The following PTPRB variants were observed in gnomAD, a reference collection of about 807,000 sequenced individuals.
The protein encoded by PTPRB is protein tyrosine phosphatase receptor type B, also known as receptor-type tyrosine-protein phosphatase beta.
Under a neutral mutation model 238.1 loss-of-function variants are expected in PTPRB, and 97 were observed. That is an observed-to-expected ratio of 0.41 (90% CI 0.35 to 0.48). The LOEUF (loss-of-function observed/expected upper bound fraction) is 0.48, where lower values mean the gene tolerates loss of function less well. PTPRB is among the 20% of genes least tolerant of loss of function. The probability of loss-of-function intolerance (pLI) is 0.30; values close to 1 mark genes in which losing one functional copy is unlikely to be tolerated. For missense variants in PTPRB, 2,292 were observed against 2,681.9 expected (o/e 0.85, Z 3.21); for synonymous variants, 970 against 995.4 (o/e 0.97, Z 0.48).
At chr12:70,596,983 T>A (rs1425697489) in intron 4 of PTPRB, among the ~76,000 whole-genome samples, 1 of 151,936 alleles carries the variant, frequency 6.6e-6, no homozygotes, top group South Asian at 2.1e-4. Flanking sequence ...AGTGGCGTGA[T>A]CTCGGCTCAC....
At chr12:70,629,197 C>T (rs1885334113) in intron 2 of PTPRB, among the ~76,000 whole-genome samples, 1 of 151,850 alleles carries the variant, frequency 6.6e-6, no homozygotes, top group Non-Finnish European at 1.5e-5. Context: ...TAAAGAATGA[C>T]TGCGTACTCC....
Position 70,584,114 on chromosome 12 carries a change from A to G in PTPRB, c.2312-2812T>C, listed in dbSNP as rs1288767130. Among the ~76,000 whole-genome samples, 4 of 152,296 alleles carry G rather than the reference A, an allele frequency of 2.6e-5. No homozygotes were observed. In the East Asian group the frequency reaches 7.7e-4, roughly 29 times the overall value. On this transcript the variant is annotated intron_variant, in intron 9 of 33. Transcript: ENST00000334414. The stretch of plus-strand genomic sequence containing the variant: ...AAAGAGAGCCAAAGAGAATGCTTAA[A>G]AGTGAACATAACAATTAAAATTTAA...
chr12:70,563,897 G>T (rs1342340601), intron 15 of PTPRB, among the ~76,000 whole-genome samples: 1 of 152,098 alleles, frequency 6.6e-6, no homozygotes, highest in Non-Finnish European at 1.5e-5. Flanking sequence ...AATATTTCTT[G>T]ACTGTACCCA....
At chr12:70,569,556 T>C in intron 14 of PTPRB, 119 bp downstream of exon 14, 2 of 1,206,974 alleles carry the variant, frequency 1.7e-6, no homozygotes, top group East Asian at 2.4e-5. Context: ...AACCATTGAA[T>C]TGTACAAACT....
At chr12:70,599,588 C>G (rs898906579) in intron 4 of PTPRB, among the ~76,000 whole-genome samples, 1 of 152,108 alleles carries the variant, frequency 6.6e-6, no homozygotes, top group Non-Finnish European at 1.5e-5. Context: ...TCCCAACAGA[C>G]CTGAAATATG....
chr12:70,528,867 G>T (rs1018428116), intron 32 of PTPRB, among the ~76,000 whole-genome samples: 1 of 151,774 alleles, frequency 6.6e-6, no homozygotes, highest in Non-Finnish European at 1.5e-5. Flanking sequence ...GAAACTGGAA[G>T]GTGCAAAAGC....
At position 70,594,691 on chromosome 12, in the gene PTPRB, G is replaced by A; in HGVS notation, c.1292C>T (p.Thr431Ile). 2 of 1,613,990 alleles carry A rather than the reference G, an allele frequency of 1.2e-6. No homozygotes were observed. Among genetic ancestry groups the A allele is most frequent in the Non-Finnish European group, 1.7e-6 (2 of 1,179,858 alleles). The change falls in exon 6 of 34, where the codon ACA becomes ATA. Residue 431 changes from threonine to isoleucine, a missense_variant. Thr to Ile is a moderately conservative substitution (Grantham distance 89). Around this residue, in one of 4 missense-constraint regions of PTPRB, gnomAD observed 1,205 missense variants for 1,287.8 expected, o/e 0.94. Transcript: ENST00000334414. ...GGAAATCAGGAGAGAATTGGCTTTT[G>A]TGGAAATACCAATATCTTTCACTGG... ...PSPVKDIGIS[T>I]KANSLLISWS...
Position 70,563,035 on chromosome 12 carries a change from G to A in PTPRB, c.3977C>T (p.Ser1326Leu), listed in dbSNP as rs761876500. The A allele has an allele frequency of 3.7e-6, 6 of 1,613,916 alleles. No homozygotes were observed. Among genetic ancestry groups the A allele is most frequent in the Middle Eastern group, 3.3e-4 (2 of 6,062 alleles). ...GTTGTACCAGCTGAGCTCCCCCTCT[G>A]AGGCGGTCCAGCGGAAGGACAGGTG... ...TRHLSFRWTA[S>L]EGELSWYNIF... The change falls in exon 16 of 34, where the codon TCA (serine) becomes TTA (leucine). Residue 1326 changes from serine (S) to leucine (L), a missense_variant. Around this residue, in one of 4 missense-constraint regions of PTPRB, gnomAD observed 683 missense variants for 862.0 expected, o/e 0.79. Transcript: ENST00000334414.
chr12:70,608,252 G>C (rs73146074), intron 4 of PTPRB, among the ~76,000 whole-genome samples: 28,058 of 152,090 alleles, frequency 0.18, 2,755 homozygotes, highest in East Asian at 0.28. Flanking sequence ...GACTAATGAA[G>C]TCAGAAAACC....
intron 21 of PTPRB, among the ~76,000 whole-genome samples, chr12:70,552,494 A>AAAAT (rs1877033962): frequency 6.8e-6 from 1 of 146,632 alleles, no homozygotes; most frequent in African/African-American, 2.7e-5. Context: ...AAAAAAAAAA[A>AAAAT]AAAAAATAAT....
intron 4 of PTPRB, among the ~76,000 whole-genome samples, chr12:70,604,984 G>C (rs1173599967): frequency 6.6e-6 from 1 of 152,134 alleles, no homozygotes; most frequent in Non-Finnish European, 1.5e-5. Context: ...GACACTCCTA[G>C]TAAACCAATA....
chr12:70,547,799 G>T (rs905502676), intron 21 of PTPRB, among the ~76,000 whole-genome samples: 11 of 151,898 alleles, frequency 7.2e-5, no homozygotes. Context: ...GAGCCATCGC[G>T]CCCAGCCATA....
At chr12:70,567,839 T>A (rs1301377922) in intron 14 of PTPRB, among the ~76,000 whole-genome samples, 1 of 152,196 alleles carries the variant, frequency 6.6e-6, no homozygotes, top group East Asian at 1.9e-4. Context: ...TCACATTTTT[T>A]ATTCTAGTAT....
At chr12:70,622,200 A>G (rs561651942) in intron 3 of PTPRB, among the ~76,000 whole-genome samples, 190 bp downstream of exon 3, 1 of 152,322 alleles carries the variant, frequency 6.6e-6, no homozygotes, top group African/African-American at 2.4e-5. Context: ...AAAGATATAG[A>G]AATTTTGAGT....
At chr12:70,611,250 A>C (rs1203347667) in intron 3 of PTPRB, among the ~76,000 whole-genome samples, 1 of 152,226 alleles carries the variant, frequency 6.6e-6, no homozygotes, top group Non-Finnish European at 1.5e-5. Context: ...AGTTAAAACA[A>C]GAAAAAAGAA....
chr12:70,527,320 T>A (rs1336198403), intron 32 of PTPRB, among the ~76,000 whole-genome samples: 2 of 151,948 alleles, frequency 1.3e-5, no homozygotes, highest in African/African-American at 4.8e-5. Flanking sequence ...AGAGAAAAGG[T>A]GATATTTATA....
Position 70,590,209 on chromosome 12 carries a change from T to C in PTPRB, c.1805A>G (p.Glu602Gly), listed in dbSNP as rs1331014729. Residue 602 changes from glutamate to glycine, a missense_variant, in exon 8 of 34, where the codon GAG becomes GGG. Glu to Gly is a moderately conservative substitution (Grantham distance 98, BLOSUM62 -2). Around this residue, in one of 4 missense-constraint regions of PTPRB, gnomAD observed 1,205 missense variants for 1,287.8 expected, o/e 0.94. Coordinates refer to ENST00000334414, the MANE Select transcript of PTPRB (RefSeq NM_001109754.4). ...CCTCATCCTGCCATTATTGTTTGCCTCCAGGTTTGCAACTTTGTCTGGAAC... is the reference window on the plus strand; with the variant it reads ...CCTCATCCTGCCATTATTGTTTGCCCCCAGGTTTGCAACTTTGTCTGGAAC... ...RTFPDKVANL[E>G]ANNNGRMRSL... The C allele has an allele frequency of 6.4e-7, 1 of 1,573,100 alleles. No individual in the cohort carries two copies. The highest frequency in any genetic ancestry group is 8.6e-7 in the Non-Finnish European group (1 of 1,158,186).
intron 7 of PTPRB, 90 bp from the exon 8 acceptor site, chr12:70,590,323 A>T (rs1485779707): frequency 7.7e-7 from 1 of 1,293,856 alleles, no homozygotes; most frequent in Non-Finnish European, 1.1e-6. Flanking sequence ...TAGATAGGAG[A>T]CACAATATCT....
intron 4 of PTPRB, 150 bp downstream of exon 4, chr12:70,608,919 G>T: frequency 8.6e-7 from 1 of 1,168,926 alleles, no homozygotes. Flanking sequence ...CTAGATCCGA[G>T]GAAACCAGAC....
Sources: gnomAD v4.1 joint callset for allele counts (sites outside exome capture counted in the v4.1 genomes callset) on GRCh38, gnomAD v4.1.1 for gene constraint, gnomAD v4.1.1 regional missense constraint, MANE v1.5 for transcripts, NCBI Gene and HGNC (gene_info 2026-07-23, HGNC 2026-07-21) for gene names.